The following NCALD variants were observed in gnomAD, a reference collection of about 807,000 sequenced individuals.
NCALD encodes neurocalcin delta, also known as neurocalcin-delta.
A neutral mutation model predicts 18.6 loss-of-function variants in NCALD; 10 were observed. The observed-to-expected ratio is 0.54, with a 90% CI of 0.33 to 0.91. The LOEUF is 0.91. NCALD is among the 40% of genes least tolerant of loss of function. NCALD has a pLI of 0.03. For missense variants in NCALD, 184 were observed against 247.6 expected (o/e 0.74, Z 1.72); for synonymous variants, 88 against 87.4 (o/e 1.01, Z -0.04).
chr8:101,789,497 T>C lies in NCALD; in HGVS notation c.-20+1365A>G, dbSNP rs144492857. ...ACCCACAGTTATTCACTTATTACTG[T>C]AGCTAAATACTGTTCAAAATTTTTC... On this transcript the variant is annotated intron_variant, in intron 1 of 3. Transcript: ENST00000220931. Among the ~76,000 whole-genome samples the C allele has an allele frequency of 4.2e-3, 634 of 152,318 alleles. 2 individuals carry two copies. Among genetic ancestry groups the C allele is most frequent in the African/African-American group, 0.014 (573 of 41,568 alleles).
chr8:102,066,148 G>T (rs554840337), intron 1 of NCALD, among the ~76,000 whole-genome samples: 2 of 152,348 alleles, frequency 1.3e-5, no homozygotes, highest in Non-Finnish European at 2.9e-5. Flanking sequence ...GAAAAGGCAG[G>T]CAGGCAGGCA....
intron 4 of NCALD, among the ~76,000 whole-genome samples, chr8:101,870,236 GA>G (rs1197560423): frequency 1.3e-5 from 2 of 152,044 alleles, no homozygotes; most frequent in Non-Finnish European, 1.5e-5. Context: ...TAGATATAAA[GA>G]AAAATGACTT....
At chr8:101,754,457 T>C (rs1810791194) in intron 1 of NCALD, among the ~76,000 whole-genome samples, 1 of 152,070 alleles carries the variant, frequency 6.6e-6, no homozygotes, top group Non-Finnish European at 1.5e-5. Flanking sequence ...GGCAGCAGAT[T>C]TGATATCTGA....
chr8:102,059,251 G>C (rs755624258), intron 1 of NCALD, among the ~76,000 whole-genome samples: 2 of 152,158 alleles, frequency 1.3e-5, no homozygotes, highest in Non-Finnish European at 2.9e-5. Flanking sequence ...GACTTTCCAA[G>C]GACATCCTCT....
At chr8:101,732,089 G>A (rs1816858343) in intron 1 of NCALD, among the ~76,000 whole-genome samples, 1 of 152,144 alleles carries the variant, frequency 6.6e-6, no homozygotes, top group Non-Finnish European at 1.5e-5. Context: ...AGGGTGCTCT[G>A]GGGCCTCAAC....
At chr8:102,092,482 G>C (rs1824957490) in intron 1 of NCALD, among the ~76,000 whole-genome samples, 1 of 152,120 alleles carries the variant, frequency 6.6e-6, no homozygotes, top group South Asian at 2.1e-4. Context: ...CCCCTTTCTG[G>C]TAACACCCCC....
At position 101,688,289 on chromosome 8, in the gene NCALD, G is replaced by T. The variant is rs879744498; in HGVS notation, c.*1020C>A. On this transcript the variant is annotated 3_prime_UTR_variant, in exon 4 of 4. Coordinates refer to ENST00000220931, the MANE Select transcript of NCALD (RefSeq NM_032041.3). ...CACCTGCTCTGCATCTGCCCTCTAGGCATGGCCACTCTGGAAATGCATTCA... is the reference window on the plus strand; with the variant it reads ...CACCTGCTCTGCATCTGCCCTCTAGTCATGGCCACTCTGGAAATGCATTCA... 14 of 203,172 alleles carry T rather than the reference G, an allele frequency of 6.9e-5. No individual in the cohort carries two copies. In the Admixed American group the frequency reaches 7.0e-4, roughly 10 times the overall value. 12.6% of individuals were successfully genotyped at this position (203,172 alleles called of 1,614,324 possible).
At position 101,774,275 on chromosome 8, in the gene NCALD, G is replaced by T. The variant is rs75702283; in HGVS notation, c.-20+16587C>A. 7.0e-3 allele frequency among the ~76,000 whole-genome samples: 1,068 copies of T among 152,266 alleles called. 36 individuals carry two copies. Among genetic ancestry groups the T allele is most frequent in the Admixed American group, 0.05 (763 of 15,298 alleles). On this transcript the variant is annotated intron_variant, in intron 1 of 3. Transcript: ENST00000220931. ...ATTCCCACAAAGCCAATGCTGTCTT[G>T]TTGGCCAACTGTTTTCCTTGAAACA... is the stretch of plus-strand genomic sequence containing the variant.
intron 3 of NCALD, among the ~76,000 whole-genome samples, chr8:101,900,982 G>A (rs1330541576): frequency 6.6e-6 from 1 of 151,874 alleles, no homozygotes; most frequent in Admixed American, 6.6e-5. Flanking sequence ...AGTTCTATCA[G>A]TTTTGTTTCA....
Position 102,117,143 on chromosome 8 carries a change from G to A in NCALD, c.-210+7094C>T, listed in dbSNP as rs1053054180. Among the ~76,000 whole-genome samples the A allele has an allele frequency of 4.6e-5, 7 of 152,314 alleles. 1 individual carries two copies. The South Asian group carries it at 1.0e-3, about 23-fold the overall frequency. Reference sequence around the variant, plus strand: ...CCTCAGACTTCTAGCCTCCGGAGCCGTGAGAGGATAAATATCTGTTGCATT... The same window carrying A: ...CCTCAGACTTCTAGCCTCCGGAGCCATGAGAGGATAAATATCTGTTGCATT... On this transcript the variant is annotated intron_variant, in intron 1 of 6. Transcript: ENST00000311028.
chr8:101,715,003 C>CAAAAAAAAAAAAAAAAAAA (rs1297532566), intron 2 of NCALD, among the ~76,000 whole-genome samples: 30 of 103,138 alleles, frequency 2.9e-4, no homozygotes, highest in African/African-American at 1.0e-3. Context: ...GACTCCGTCT[C>CAAAAAAAAAAAAAAAAAAA]AAAAAAAAAA....
At chr8:101,983,473 A>G (rs902385246) in intron 2 of NCALD, among the ~76,000 whole-genome samples, 7 of 152,180 alleles carry the variant, frequency 4.6e-5, no homozygotes, top group Non-Finnish European at 8.8e-5. Context: ...ATTTTATGCA[A>G]TCTGAATTTT....
In NCALD at chr8:101,964,039, C is replaced by G. The variant is rs115555056; in HGVS notation, c.-156-48181G>C. Among the ~76,000 whole-genome samples the G allele has an allele frequency of 4.3e-3, 657 of 152,246 alleles. 7 individuals are homozygous for G. Among genetic ancestry groups the G allele is most frequent in the African/African-American group, 0.015 (622 of 41,552 alleles). ...TTGTAATGAGCTAAAATATGCCTTTCTTTAATTTCCAGTCACTAGTTGTAA... is the reference window on the plus strand; with the variant it reads ...TTGTAATGAGCTAAAATATGCCTTTGTTTAATTTCCAGTCACTAGTTGTAA... On this transcript the variant is annotated intron_variant, in intron 2 of 6. Transcript: ENST00000311028.
rs1336176037 is a variant in NCALD at position 101,708,085 on chromosome 8, A to T, written c.378+11167T>A. On this transcript the variant is annotated intron_variant, in intron 2 of 3. Coordinates refer to ENST00000220931, the MANE Select transcript of NCALD (RefSeq NM_032041.3). ...TGCTTTTCGAAAGGCTCTAACTTGA[A>T]CTTAAGAACAAACCCAGACAGACTG... is the stretch of plus-strand genomic sequence containing the variant. Among the ~76,000 whole-genome samples the T allele has an allele frequency of 2.0e-5, 3 of 152,270 alleles. No individual in the cohort carries two copies. In the East Asian group the frequency reaches 5.8e-4, roughly 29 times the overall value.
chr8:101,895,812 G>A (rs1047797317), intron 3 of NCALD, among the ~76,000 whole-genome samples: 7 of 146,244 alleles, frequency 4.8e-5, no homozygotes, highest in Admixed American at 2.7e-4. Flanking sequence ...TACAAGGGAT[G>A]TGAAGGACCT....
chr8:101,903,036 G>C (rs1387861363), intron 3 of NCALD, among the ~76,000 whole-genome samples: 2 of 152,174 alleles, frequency 1.3e-5, no homozygotes, highest in Non-Finnish European at 2.9e-5. Context: ...ATATTTCTGT[G>C]AGGTCACCAG....
At chr8:101,715,582 C>T (rs888931082) in intron 2 of NCALD, among the ~76,000 whole-genome samples, 1 of 151,880 alleles carries the variant, frequency 6.6e-6, no homozygotes, top group Non-Finnish European at 1.5e-5. Flanking sequence ...TGACAAAGGG[C>T]TAATATCCAG....
intron 3 of NCALD, among the ~76,000 whole-genome samples, chr8:101,911,260 T>C (rs1259152635): frequency 6.8e-6 from 1 of 146,486 alleles, no homozygotes; most frequent in Admixed American, 6.8e-5. Flanking sequence ...AATATAGGCA[T>C]GTAGAGACTT....
intron 1 of NCALD, among the ~76,000 whole-genome samples, chr8:102,097,173 A>C (rs1186605490): frequency 6.6e-6 from 1 of 152,212 alleles, no homozygotes; most frequent in East Asian, 1.9e-4. Context: ...GTATTCGTTT[A>C]CCTAAGTCCC....
Sources: gnomAD v4.1 joint callset for allele counts (sites outside exome capture counted in the v4.1 genomes callset) on GRCh38, gnomAD v4.1.1 for gene constraint, MANE v1.5 for transcripts, NCBI Gene and HGNC (gene_info 2026-07-23, HGNC 2026-07-21) for gene names.